The following LRRTM4 variants were observed in gnomAD, a reference collection of about 807,000 sequenced individuals.
LRRTM4 encodes leucine-rich repeat transmembrane neuronal protein 4.
In LRRTM4, 25 loss-of-function variants were observed where a neutral mutation model predicts 47.6. That is an observed-to-expected ratio of 0.53 (90% confidence interval 0.38 to 0.73). LRRTM4 has a LOEUF of 0.73. Ranked by LOEUF, LRRTM4 falls within the 30% of genes least tolerant of loss-of-function variation. LRRTM4 has a pLI of 0.00. For missense variants in LRRTM4, 638 were observed against 713.4 expected, an observed-to-expected ratio of 0.89 and a Z score of 1.20; for synonymous variants, 311 against 269.5, an observed-to-expected ratio of 1.15 and a Z score of -1.51.
chr2:77,286,586 CA>C (rs1285691696), intron 3 of LRRTM4, among the ~76,000 whole-genome samples: 3 of 149,990 alleles, frequency 2.0e-5, no homozygotes, highest in Non-Finnish European at 4.4e-5. Context: ...AAATTACCAC[CA>C]ACAAAATATA....
At chr2:76,849,774 G>A (rs1034887132) in intron 3 of LRRTM4, among the ~76,000 whole-genome samples, 1 of 152,012 alleles carries the variant, frequency 6.6e-6, no homozygotes, top group Non-Finnish European at 1.5e-5. Context: ...ATAATTAAAG[G>A]TTTCTCATAG....
chr2:76,765,240 T>C (rs1673629022), intron 3 of LRRTM4, among the ~76,000 whole-genome samples: 1 of 152,224 alleles, frequency 6.6e-6, no homozygotes, highest in Admixed American at 6.5e-5. Context: ...GTGTAGTTTC[T>C]CAGTTCACAG....
intron 3 of LRRTM4, among the ~76,000 whole-genome samples, chr2:76,903,139 A>C (rs2103751684): frequency 6.6e-6 from 1 of 152,326 alleles, no homozygotes; most frequent in African/African-American, 2.4e-5. Flanking sequence ...TGGGAGGCCA[A>C]GGTGGGTGGA....
At chr2:77,453,176 ATTTTTT>A (rs1162461607) in intron 3 of LRRTM4, among the ~76,000 whole-genome samples, 1 of 99,534 alleles carries the variant, frequency 1.0e-5, no homozygotes. Context: ...TTTCTTCTTG[ATTTTTT>A]TTTTTTTTTT....
chr2:76,968,685 T>C (rs1205793681), intron 3 of LRRTM4, among the ~76,000 whole-genome samples: 1 of 151,524 alleles, frequency 6.6e-6, no homozygotes, highest in African/African-American at 2.4e-5. Flanking sequence ...AAAAGATAAT[T>C]GATGAGCACA....
chr2:77,309,935 T>C (rs139540481), intron 3 of LRRTM4, among the ~76,000 whole-genome samples: 1 of 152,176 alleles, frequency 6.6e-6, no homozygotes, highest in Non-Finnish European at 1.5e-5. Context: ...CACACCATTT[T>C]TTTTAACTAT....
chr2:77,158,350 A>C (rs1010587907), intron 3 of LRRTM4, among the ~76,000 whole-genome samples: 1 of 152,196 alleles, frequency 6.6e-6, no homozygotes, highest in African/African-American at 2.4e-5. Flanking sequence ...CAAATTTTAC[A>C]TATGTGGTTA....
chr2:76,954,633 T>C (rs772756021), intron 3 of LRRTM4, among the ~76,000 whole-genome samples: 8 of 151,842 alleles, frequency 5.3e-5, no homozygotes, highest in Non-Finnish European at 1.0e-4. Context: ...TGGACAAGTA[T>C]TGGCTAACGT....
At chr2:77,139,664 G>A (rs960721937) in intron 3 of LRRTM4, among the ~76,000 whole-genome samples, 1 of 152,086 alleles carries the variant, frequency 6.6e-6, no homozygotes, top group Non-Finnish European at 1.5e-5. Context: ...TATAAAATTA[G>A]GAAAAGAGGA....
chr2:77,396,986 G>A (rs770373021), intron 3 of LRRTM4, among the ~76,000 whole-genome samples: 29 of 151,834 alleles, frequency 1.9e-4, no homozygotes, highest in African/African-American at 2.7e-4. Flanking sequence ...AGCAAGACAC[G>A]ATTAACAGAT....
At chr2:77,398,313 G>A (rs1673784951) in intron 3 of LRRTM4, among the ~76,000 whole-genome samples, 2 of 152,056 alleles carry the variant, frequency 1.3e-5, no homozygotes, top group Admixed American at 6.6e-5. Context: ...ACTGAAACCT[G>A]TGGGACCAGA....
At chr2:77,009,943 C>G (rs535157190) in intron 3 of LRRTM4, among the ~76,000 whole-genome samples, 4 of 151,070 alleles carry the variant, frequency 2.6e-5, no homozygotes, top group African/African-American at 9.7e-5. Flanking sequence ...CATCATTAAA[C>G]TTAAAATTTC....
At chr2:76,847,347 G>A (rs1277761682) in intron 3 of LRRTM4, among the ~76,000 whole-genome samples, 1 of 152,026 alleles carries the variant, frequency 6.6e-6, no homozygotes, top group African/African-American at 2.4e-5. Flanking sequence ...TATGATTATA[G>A]TATTTAAAAA....
chr2:77,243,641 T>G (rs1305609547), intron 3 of LRRTM4, among the ~76,000 whole-genome samples: 3 of 152,048 alleles, frequency 2.0e-5, no homozygotes. Context: ...ACAATGTGAA[T>G]GTACTTAACA....
At chr2:76,865,693 A>C (rs747933585) in intron 3 of LRRTM4, among the ~76,000 whole-genome samples, 3 of 152,202 alleles carry the variant, frequency 2.0e-5, no homozygotes, top group Non-Finnish European at 2.9e-5. Flanking sequence ...GCCTACTTCA[A>C]AGGAATAAAT....
chr2:77,449,723 TTGG>T (rs1676184135), intron 3 of LRRTM4, among the ~76,000 whole-genome samples: 1 of 152,174 alleles, frequency 6.6e-6, no homozygotes, highest in Non-Finnish European at 1.5e-5. Flanking sequence ...GTGTGCTGTG[TTGG>T]TGAGGTTAGC....
At chr2:76,811,049 G>T (rs993662486) in intron 3 of LRRTM4, among the ~76,000 whole-genome samples, 2 of 152,072 alleles carry the variant, frequency 1.3e-5, no homozygotes, top group Non-Finnish European at 2.9e-5. Context: ...AAAGGAAAAT[G>T]AAAAGTCCTT....
intron 3 of LRRTM4, among the ~76,000 whole-genome samples, chr2:77,224,454 C>G (rs1444113430): frequency 5.3e-5 from 8 of 152,104 alleles, no homozygotes. Flanking sequence ...TTTTTGCAAC[C>G]TACTCATCTG....
intron 3 of LRRTM4, among the ~76,000 whole-genome samples, chr2:76,915,545 T>A (rs1344981933): frequency 6.6e-6 from 1 of 152,224 alleles, no homozygotes; most frequent in Non-Finnish European, 1.5e-5. Flanking sequence ...ACCTACCCGA[T>A]GTTCTGGGTT....
Sources: gnomAD v4.1 joint callset for allele counts (sites outside exome capture counted in the v4.1 genomes callset) on GRCh38, gnomAD v4.1.1 for gene constraint, MANE v1.5 for transcripts, NCBI Gene and HGNC (gene_info 2026-07-23, HGNC 2026-07-21) for gene names.